FHIT: variants seen among roughly 807,000 people sequenced by gnomAD.
FHIT encodes the protein fragile histidine triad diadenosine triphosphatase.
A neutral mutation model predicts 17.9 loss-of-function variants in FHIT; 19 were observed. The observed-to-expected ratio is 1.06, with a 90% CI of 0.74 to 1.56. FHIT has a LOEUF of 1.56. FHIT is among the 40% of genes most tolerant of loss of function. The pLI, the probability that FHIT is intolerant of heterozygous loss-of-function variation, is 0.00. For synonymous variants in FHIT, 81 were observed against 69.7 expected, an observed-to-expected ratio of 1.16 and a Z score of -0.81; for missense variants, 248 against 189.2, an observed-to-expected ratio of 1.31 and a Z score of -1.82.
In FHIT at chr3:61,105,347, G is replaced by C. The variant is rs193083103; in HGVS notation, c.-163-63248C>G. 6.4e-3 allele frequency among the ~76,000 whole-genome samples: 967 copies of C among 152,132 alleles called. 39 individuals carry two copies. The highest frequency in any genetic ancestry group is 0.057 in the Admixed American group (867 of 15,254). ...GAAAATTTTAGGGGGCCAACACTCA[G>C]CTTCCAACTCATGGACTGTGTGCTG... On this transcript the variant is annotated intron_variant, in intron 2 of 9. Transcript: ENST00000492590.
chr3:60,312,686 G>A (rs1002403192), intron 5 of FHIT, among the ~76,000 whole-genome samples: 1 of 152,084 alleles, frequency 6.6e-6, no homozygotes, highest in African/African-American at 2.4e-5. Flanking sequence ...CTACCTTTGA[G>A]AAGTATGATT....
At chr3:60,661,210 T>G (rs1282097749) in intron 4 of FHIT, among the ~76,000 whole-genome samples, 1 of 152,092 alleles carries the variant, frequency 6.6e-6, no homozygotes, top group Non-Finnish European at 1.5e-5. Context: ...ACCTCCCTCC[T>G]CCCTCACTTG....
At chr3:60,069,538 G>A (rs1702671399) in intron 5 of FHIT, among the ~76,000 whole-genome samples, 3 of 152,140 alleles carry the variant, frequency 2.0e-5, no homozygotes, top group Non-Finnish European at 2.9e-5. Context: ...CTTGTATAGC[G>A]CTTTTGTCCA....
At chr3:60,029,223 T>G in intron 5 of FHIT, among the ~76,000 whole-genome samples, 1 of 152,218 alleles carries the variant, frequency 6.6e-6, no homozygotes, top group Non-Finnish European at 1.5e-5. Flanking sequence ...CATAGAACAG[T>G]CATACGTTTT....
chr3:60,082,215 A>G (rs1352153815), intron 5 of FHIT, among the ~76,000 whole-genome samples: 1 of 149,960 alleles, frequency 6.7e-6, no homozygotes, highest in Non-Finnish European at 1.5e-5. Context: ...ATAAGAGAGA[A>G]CATGTAGTAT....
chr3:61,046,107 A>T (rs6792330), intron 2 of FHIT, among the ~76,000 whole-genome samples: 2,509 of 152,298 alleles, frequency 0.016, 80 homozygotes, highest in African/African-American at 0.057. Flanking sequence ...AAGAAATTCA[A>T]AAGCCAACAG....
At chr3:60,228,757 C>G (rs1704342222) in intron 5 of FHIT, among the ~76,000 whole-genome samples, 2 of 152,166 alleles carry the variant, frequency 1.3e-5, no homozygotes, top group Non-Finnish European at 2.9e-5. Flanking sequence ...CCAACCAGTT[C>G]TTTGATTTGA....
In FHIT at chr3:60,014,166, T is replaced by C. The variant is rs772499989; in HGVS notation, c.104-14A>G. 6.2e-7 allele frequency: 1 copy of C among 1,613,726 alleles called. No homozygotes were observed. Among genetic ancestry groups the C allele is most frequent in the Admixed American group, 1.7e-5 (1 of 59,996 alleles). ...ACACAAGGACATCTGTAGCAAGGTC[T>C]GTTAAGGCCCATGCTGCTGGCTTTG... On this transcript the variant is annotated splice_polypyrimidine_tract_variant and intron_variant, in intron 5 of 9. Coordinates refer to ENST00000492590, the MANE Select transcript of FHIT (RefSeq NM_002012.4).
intron 8 of FHIT, among the ~76,000 whole-genome samples, chr3:59,776,110 CTG>C (rs1447070565): frequency 6.6e-6 from 1 of 152,246 alleles, no homozygotes; most frequent in Non-Finnish European, 1.5e-5. Flanking sequence ...AGCCTGAAAA[CTG>C]TATTCCTGCT....
At chr3:59,908,598 C>T (rs546581770) in intron 8 of FHIT, among the ~76,000 whole-genome samples, 28 of 152,154 alleles carry the variant, frequency 1.8e-4, no homozygotes, top group African/African-American at 5.8e-4. Flanking sequence ...ACACCAGAGG[C>T]CAAGGAAACA....
At chr3:60,687,602 C>T (rs1175257084) in intron 4 of FHIT, among the ~76,000 whole-genome samples, 1 of 151,924 alleles carries the variant, frequency 6.6e-6, no homozygotes, top group Non-Finnish European at 1.5e-5. Flanking sequence ...CAATTTTTTT[C>T]TAAATGCTTC....
intron 8 of FHIT, among the ~76,000 whole-genome samples, chr3:59,844,847 A>T (rs1329076784): frequency 6.6e-6 from 1 of 152,062 alleles, no homozygotes; most frequent in Non-Finnish European, 1.5e-5. Context: ...CTTTTATTTA[A>T]TTTTTTTGAA....
At chr3:60,593,457 T>C (rs1235833743) in intron 4 of FHIT, among the ~76,000 whole-genome samples, 1 of 152,118 alleles carries the variant, frequency 6.6e-6, no homozygotes, top group Non-Finnish European at 1.5e-5. Flanking sequence ...GGCTTGAAAT[T>C]AGTGTTGAAA....
At chr3:61,233,680 A>G (rs2040160651) in intron 1 of FHIT, among the ~76,000 whole-genome samples, 1 of 152,210 alleles carries the variant, frequency 6.6e-6, no homozygotes, top group South Asian at 2.1e-4. Context: ...TATAATGAAC[A>G]TATATTATTT....
chr3:60,129,999 A>G (rs12633953), intron 5 of FHIT, among the ~76,000 whole-genome samples: 28,924 of 152,134 alleles, frequency 0.19, 3,383 homozygotes, highest in Non-Finnish European at 0.27. Context: ...TCGCTCACCT[A>G]CATACACACA....
At chr3:60,503,430 G>A (rs2034601266) in intron 5 of FHIT, among the ~76,000 whole-genome samples, 1 of 152,132 alleles carries the variant, frequency 6.6e-6, no homozygotes, top group Non-Finnish European at 1.5e-5. Flanking sequence ...GAAGGCCTAT[G>A]ATAGCAAAGA....
chr3:60,468,131 T>C (rs2032897409), intron 5 of FHIT, among the ~76,000 whole-genome samples: 1 of 152,096 alleles, frequency 6.6e-6, no homozygotes, highest in Admixed American at 6.5e-5. Flanking sequence ...TGGTTTCTAT[T>C]TTCATGCAAC....
In FHIT at chr3:60,229,424, G is replaced by GAA. The variant is rs796109235; in HGVS notation, c.104-215274_104-215273dup. 1.0e-2 allele frequency among the ~76,000 whole-genome samples: 709 copies of GAA among 71,092 alleles called. 7 individuals are homozygous for GAA. The highest frequency in any genetic ancestry group is 0.021 in the African/African-American group (444 of 21,616). 46.6% of individuals were successfully genotyped at this position (71,092 alleles called of 152,430 possible). On this transcript the variant is annotated intron_variant, in intron 5 of 9. Transcript: ENST00000492590. The stretch of plus-strand genomic sequence containing the variant: ...AAAGTGAGTGAGACATCATCAAAAA[G>GAA]AAAAAAAAAAAAAGAAAAAGAAAAG...
chr3:60,386,982 T>C (rs1210282537), intron 5 of FHIT, among the ~76,000 whole-genome samples: 1 of 152,046 alleles, frequency 6.6e-6, no homozygotes, highest in African/African-American at 2.4e-5. Context: ...CTTGGTAATA[T>C]TTCTCTTTCT....
Sources: allele counts gnomAD v4.1 joint callset (sites outside exome capture counted in the v4.1 genomes callset), GRCh38; gene constraint gnomAD v4.1.1; transcripts MANE v1.5; gene names NCBI Gene and HGNC (gene_info 2026-07-23, HGNC 2026-07-21).